The following FKTN variants were observed in gnomAD, a reference collection of about 807,000 sequenced individuals.
The protein encoded by FKTN is ribitol-5-phosphate transferase FKTN.
FKTN carries 47 observed loss-of-function variants against 58.6 expected under a neutral mutation model. The observed-to-expected ratio is 0.80, with a 90% CI of 0.63 to 1.02. The LOEUF (loss-of-function observed/expected upper bound fraction) is 1.02. Ranked by LOEUF, FKTN falls within the 50% of genes least tolerant of loss-of-function variation. FKTN has a pLI of 0.00. For synonymous variants in FKTN, 178 were observed against 191.9 expected (o/e 0.93, Z 0.60); for missense variants, 516 against 537.3 (o/e 0.96, Z 0.39).
At chr9:105,571,156 A>C (rs915573988) in intron 1 of FKTN, among the ~76,000 whole-genome samples, 3 of 152,184 alleles carry the variant, frequency 2.0e-5, no homozygotes, top group Non-Finnish European at 4.4e-5. Flanking sequence ...TATAGGTAAG[A>C]TTGTGGATAC....
chr9:105,563,502 A>G (rs1838706881), intron 1 of FKTN, among the ~76,000 whole-genome samples: 1 of 152,072 alleles, frequency 6.6e-6, no homozygotes, highest in East Asian at 1.9e-4. Context: ...CCAGGAGATT[A>G]TATCCCACGC....
At chr9:105,593,430 G>C (rs909843682) in intron 3 of FKTN, among the ~76,000 whole-genome samples, 2 of 152,194 alleles carry the variant, frequency 1.3e-5, no homozygotes, top group East Asian at 3.8e-4. Context: ...GTGGGGCACA[G>C]ATCCAAAGCA....
At chr9:105,578,717 A>G (rs1166102104) in intron 3 of FKTN, among the ~76,000 whole-genome samples, 9 of 151,134 alleles carry the variant, frequency 6.0e-5, no homozygotes, top group South Asian at 2.1e-4. Context: ...CTCTTTTTCT[A>G]TTGATTGGAA....
At chr9:105,569,665 C>G (rs2131891554) in intron 1 of FKTN, among the ~76,000 whole-genome samples, 2 of 152,300 alleles carry the variant, frequency 1.3e-5, no homozygotes, top group East Asian at 3.9e-4. Flanking sequence ...TAGTTATGCC[C>G]TGCTTCCACT....
intron 9 of FKTN, among the ~76,000 whole-genome samples, chr9:105,618,924 T>G (rs1026435624): frequency 6.6e-6 from 1 of 152,078 alleles, no homozygotes. Flanking sequence ...CCGGGCGCGG[T>G]GGCGGGCGCC....
At chr9:105,622,545 T>C (rs117894074) in intron 10 of FKTN, among the ~76,000 whole-genome samples, 3 of 151,948 alleles carry the variant, frequency 2.0e-5, no homozygotes, top group African/African-American at 7.2e-5. Context: ...TTAATCCTCA[T>C]ACTATCCCTG....
At position 105,615,539 on chromosome 9, in the gene FKTN, A is replaced by T. The variant is rs554113764; in HGVS notation, c.910+132A>T. 3.6e-6 allele frequency: 3 copies of T among 837,300 alleles called. No individual in the cohort carries two copies. The South Asian group carries it at 4.1e-5, about 12-fold the overall frequency. The allele number at this position is 837,300 out of a possible 1,614,324, so 51.9% of individuals were successfully genotyped here. A position where few individuals can be genotyped will look rare whatever the true frequency, so the allele number is the denominator to read the frequency against. ...GTATAGACAGAATAAACATGAGTGC[A>T]TGCAGCAAGGATCTATTGATTTCCT... On this transcript the variant is annotated intron_variant, in intron 8 of 10. Transcript: ENST00000357998.
rs970639254 is a variant in FKTN at position 105,638,910 on chromosome 9, A to G, written c.*3646A>G. On this transcript the variant is annotated 3_prime_UTR_variant, in exon 11 of 11. Transcript: ENST00000357998. ...AGATAGGCAGGATATTACATAGGTA[A>G]GCAGGAATTTATACATTGGGTACCA... 10 of 985,212 alleles carry G rather than the reference A, an allele frequency of 1.0e-5. No homozygotes were observed. Among genetic ancestry groups the G allele is most frequent in the Admixed American group, 6.2e-5 (1 of 16,250 alleles). The allele number at this position is 985,212 out of a possible 1,614,324, so 61.0% of individuals were successfully genotyped here.
At chr9:105,604,027 C>T (rs1322330885) in intron 5 of FKTN, among the ~76,000 whole-genome samples, 188 bp from the exon 6 acceptor site, 1 of 152,046 alleles carries the variant, frequency 6.6e-6, no homozygotes, top group Admixed American at 6.6e-5. Flanking sequence ...TTGCTGCTTT[C>T]CTTTATTCTC....
In FKTN at chr9:105,572,069, CTAA is replaced by C. The variant is rs1268969396; in HGVS notation, c.-180-1583_-180-1581del. ...CATGGGTTTTAACTGAATACAAAAA[CTAA>C]TACCATCATCAATGTTGATTGATAT... On this transcript the variant is annotated intron_variant, in intron 1 of 10. Transcript: ENST00000357998. Among the ~76,000 whole-genome samples, 2 of 152,090 alleles carry C rather than the reference CTAA, an allele frequency of 1.3e-5. 1 individual carries two copies.
chr9:105,568,164 T>C lies in FKTN; in HGVS notation c.-180-5491T>C, dbSNP rs562668751. Among the ~76,000 whole-genome samples the C allele has an allele frequency of 1.7e-4, 26 of 152,182 alleles. No homozygotes were observed. In the East Asian group the frequency reaches 4.2e-3, roughly 25 times the overall value. The stretch of plus-strand genomic sequence containing the variant: ...ATTCAAGATGGATTAAAGACTTAAA[T>C]GTTAGACCTAAAACCATAAAAACCC... On this transcript the variant is annotated intron_variant, in intron 1 of 10. Coordinates refer to ENST00000357998, the MANE Select transcript of FKTN (RefSeq NM_001079802.2).
chr9:105,570,044 ATCTC>A (rs1389825169), intron 1 of FKTN, among the ~76,000 whole-genome samples: 1 of 151,992 alleles, frequency 6.6e-6, no homozygotes, highest in African/African-American at 2.4e-5. Flanking sequence ...TCTATGCCAT[ATCTC>A]TCTATAGGTT....
chr9:105,584,181 A>G (rs985493582), intron 3 of FKTN, among the ~76,000 whole-genome samples: 5 of 152,320 alleles, frequency 3.3e-5, no homozygotes, highest in African/African-American at 1.2e-4. Context: ...TGAAGCTTAA[A>G]TGAATTGATA....
chr9:105,619,339 G>A (rs1162659530), intron 9 of FKTN, among the ~76,000 whole-genome samples: 5 of 152,162 alleles, frequency 3.3e-5, no homozygotes, highest in African/African-American at 4.8e-5. Context: ...TGTGATGAGT[G>A]CTGTGGCGGA....
chr9:105,636,244 A>C lies in FKTN; in HGVS notation c.*980A>C. On this transcript the variant is annotated 3_prime_UTR_variant, in exon 11 of 11. Transcript: ENST00000357998. ...AAATATACTCTAATTTTTAAAACAT[A>C]CTCTTTATTATCTTCATTTATCAAT... 2.2e-6 allele frequency: 2 copies of C among 903,712 alleles called. No homozygotes were observed. Among genetic ancestry groups the C allele is most frequent in the Non-Finnish European group, 2.6e-6 (2 of 755,718 alleles). 56.0% of individuals were successfully genotyped at this position (903,712 alleles called of 1,614,324 possible).
chr9:105,636,659 T>C lies in FKTN; in HGVS notation c.*1395T>C. 8.0e-7 allele frequency: 1 copy of C among 1,255,038 alleles called. No homozygotes were observed. 77.7% of individuals were successfully genotyped at this position (1,255,038 alleles called of 1,614,324 possible). On this transcript the variant is annotated 3_prime_UTR_variant, in exon 11 of 11. Transcript: ENST00000357998. Reference sequence around the variant, plus strand: ...GTAGGCACAATAAGCACTGCTATTTTTCTCTTTGTCTAGGAAAGGAAGCTG... The same window carrying C: ...GTAGGCACAATAAGCACTGCTATTTCTCTCTTTGTCTAGGAAAGGAAGCTG...
At position 105,638,765 on chromosome 9, in the gene FKTN, A is replaced by G; in HGVS notation, c.*3501A>G. ...ATTTAAACTACTTTTAATTATTTATATTGATACTCTCTGATAAATGCAGGT... is the reference window on the plus strand; with the variant it reads ...ATTTAAACTACTTTTAATTATTTATGTTGATACTCTCTGATAAATGCAGGT... On this transcript the variant is annotated 3_prime_UTR_variant, in exon 11 of 11. Transcript: ENST00000357998. 2.1e-6 allele frequency: 2 copies of G among 974,690 alleles called. No homozygotes were observed. The highest frequency in any genetic ancestry group is 2.4e-6 in the Non-Finnish European group (2 of 820,206). 60.4% of individuals were successfully genotyped at this position (974,690 alleles called of 1,614,324 possible). A position where few individuals can be genotyped will look rare whatever the true frequency, so the allele number is the denominator to read the frequency against.
chr9:105,627,320 A>G (rs905658799), intron 10 of FKTN, among the ~76,000 whole-genome samples: 2 of 152,080 alleles, frequency 1.3e-5, no homozygotes, highest in Non-Finnish European at 2.9e-5. Flanking sequence ...AGTTATTTTA[A>G]TGTAGTTCAG....
chr9:105,601,373 G>A (rs751009328), intron 5 of FKTN, 25 bp downstream of exon 5: 1 of 1,451,850 alleles, frequency 6.9e-7, no homozygotes. Flanking sequence ...TTCAGATAAT[G>A]GAATGTGTCT....
Sources: gnomAD v4.1 joint callset for allele counts (sites outside exome capture counted in the v4.1 genomes callset) on GRCh38, gnomAD v4.1.1 for gene constraint, MANE v1.5 for transcripts, NCBI Gene and HGNC (gene_info 2026-07-23, HGNC 2026-07-21) for gene names.